Variants in STXBP5L observed in about 807,000 individuals in gnomAD.
STXBP5L encodes the protein syntaxin-binding protein 5-like.
Under a neutral mutation model 144.5 loss-of-function variants are expected in STXBP5L, and 65 were observed. That is an observed-to-expected ratio of 0.45 (90% CI 0.37 to 0.55). STXBP5L has a LOEUF of 0.55. Ranked by LOEUF, STXBP5L falls within the 20% of genes least tolerant of loss-of-function variation. The pLI is 0.00. For missense variants in STXBP5L, 1,298 were observed against 1,405.5 expected (o/e 0.92, Z 1.22); for synonymous variants, 505 against 469.6 (o/e 1.08, Z -0.97).
intron 5 of STXBP5L, among the ~76,000 whole-genome samples, chr3:121,093,303 G>A (rs1335554971): frequency 1.3e-5 from 2 of 152,200 alleles, no homozygotes; most frequent in African/African-American, 4.8e-5. Flanking sequence ...AGTTAGGGAG[G>A]ATTCCCTCTT....
chr3:121,331,813 A>C (rs2044328825), intron 20 of STXBP5L, among the ~76,000 whole-genome samples: 1 of 152,156 alleles, frequency 6.6e-6, no homozygotes, highest in Non-Finnish European at 1.5e-5. Flanking sequence ...TGGGGAAAAA[A>C]ATAACTAAAT....
intron 5 of STXBP5L, among the ~76,000 whole-genome samples, chr3:121,068,128 G>A (rs2041635383): frequency 6.6e-6 from 1 of 152,174 alleles, no homozygotes; most frequent in South Asian, 2.1e-4. Flanking sequence ...TCCTGCCTCG[G>A]CCTCCCAAGT....
intron 3 of STXBP5L, among the ~76,000 whole-genome samples, chr3:120,981,023 A>G (rs1393838408): frequency 6.6e-6 from 1 of 152,142 alleles, no homozygotes; most frequent in East Asian, 1.9e-4. Flanking sequence ...AGAGACTGAA[A>G]ATAGGAACCC....
At chr3:121,390,395 T>C (rs1383008937) in intron 22 of STXBP5L, among the ~76,000 whole-genome samples, 3 of 152,174 alleles carry the variant, frequency 2.0e-5, no homozygotes, top group Admixed American at 6.5e-5. Flanking sequence ...ACATTTAAGG[T>C]TAATATTGTT....
chr3:121,203,081 T>C (rs1031331117), intron 9 of STXBP5L, among the ~76,000 whole-genome samples: 4 of 150,974 alleles, frequency 2.6e-5, no homozygotes, highest in Admixed American at 2.6e-4. Context: ...GTTTTTTTTT[T>C]CTGTGCTATT....
intron 5 of STXBP5L, among the ~76,000 whole-genome samples, chr3:121,086,805 G>A (rs970031218): frequency 2.0e-5 from 3 of 152,020 alleles, no homozygotes; most frequent in African/African-American, 7.2e-5. Flanking sequence ...CCTGTACCAT[G>A]TAATCTATCT....
At chr3:121,059,956 C>T (rs1052563195) in intron 5 of STXBP5L, among the ~76,000 whole-genome samples, 1 of 151,924 alleles carries the variant, frequency 6.6e-6, no homozygotes, top group Non-Finnish European at 1.5e-5. Flanking sequence ...ATTTGAATAC[C>T]CTATATTTCT....
intron 20 of STXBP5L, chr3:121,324,350 T>G: frequency 1.8e-6 from 1 of 540,962 alleles, no homozygotes; most frequent in Non-Finnish European, 3.2e-6. Context: ...TGGAGCAGTA[T>G]TTATCTTTAT....
chr3:121,209,032 T>C (rs541938726), intron 10 of STXBP5L, among the ~76,000 whole-genome samples: 1 of 152,218 alleles, frequency 6.6e-6, no homozygotes, highest in African/African-American at 2.4e-5. Flanking sequence ...GGTTTTCTGT[T>C]CCGGTGTTAG....
chr3:121,419,291 C>A lies in STXBP5L; in HGVS notation c.*194C>A. On this transcript the variant is annotated 3_prime_UTR_variant, in exon 27 of 27. Transcript: ENST00000471454. ...AAGGCTGGAGCCCTGGTTAAAATCCCAAAATACGGCTGAATTTGCCTTTTC... is the reference window on the plus strand; with the variant it reads ...AAGGCTGGAGCCCTGGTTAAAATCCAAAAATACGGCTGAATTTGCCTTTTC... 1 of 499,352 alleles carries A rather than the reference C, an allele frequency of 2.0e-6. No individual in the cohort carries two copies. Among genetic ancestry groups the A allele is most frequent in the Non-Finnish European group, 3.4e-6 (1 of 293,902 alleles). 30.9% of individuals were successfully genotyped at this position (499,352 alleles called of 1,614,324 possible).
chr3:121,363,845 A>G (rs2045787497), intron 20 of STXBP5L, among the ~76,000 whole-genome samples: 1 of 152,014 alleles, frequency 6.6e-6, no homozygotes, highest in Non-Finnish European at 1.5e-5. Flanking sequence ...CCATCTTGCT[A>G]TGCCTCCTAT....
chr3:121,379,921 A>T (rs1222188054), intron 21 of STXBP5L, among the ~76,000 whole-genome samples: 1 of 152,144 alleles, frequency 6.6e-6, no homozygotes, highest in African/African-American at 2.4e-5. Flanking sequence ...TGCAGCCTCT[A>T]ACTCCTGAAC....
At chr3:121,279,043 C>A (rs894987017) in intron 18 of STXBP5L, among the ~76,000 whole-genome samples, 7 of 151,658 alleles carry the variant, frequency 4.6e-5, no homozygotes, top group Non-Finnish European at 1.0e-4. Flanking sequence ...AAACAACATT[C>A]ATATAACTAA....
At position 121,233,630 on chromosome 3, in the gene STXBP5L, T is replaced by A; in HGVS notation, c.1126T>A (p.Tyr376Asn). Residue 376 changes from tyrosine (Y) to asparagine (N), a missense_variant, in exon 12 of 27, where the codon TAT (tyrosine) becomes AAT (asparagine). Tyr to Asn is a moderately radical substitution (Grantham distance 143, BLOSUM62 -2). Transcript: ENST00000471454. ...TTTACTTGTAGAATTTCAAGAACCC[T>A]ATGCTGTCGTGGTACTTCTGGAGAA... is the stretch of plus-strand genomic sequence containing the variant. The part of the protein sequence containing the change: ...TPYPNEFQEP[Y>N]AVVVLLEKDL... 1 of 1,612,116 alleles carries A rather than the reference T, an allele frequency of 6.2e-7. No homozygotes were observed. Among genetic ancestry groups the A allele is most frequent in the Middle Eastern group, 1.7e-4 (1 of 6,042 alleles).
intron 20 of STXBP5L, among the ~76,000 whole-genome samples, chr3:121,360,308 T>G (rs1296120930): frequency 6.6e-5 from 10 of 151,806 alleles, no homozygotes; most frequent in Admixed American, 6.6e-4. Flanking sequence ...GTGAAGTGTT[T>G]TCTTGTAGGC....
chr3:121,267,391 A>G (rs779224482), intron 18 of STXBP5L, among the ~76,000 whole-genome samples: 1 of 152,190 alleles, frequency 6.6e-6, no homozygotes, highest in Non-Finnish European at 1.5e-5. Context: ...CTTTCCTTAG[A>G]CCTTATACAA....
In STXBP5L at chr3:121,105,163, C is replaced by T. The variant is rs765109517; in HGVS notation, c.471-9762C>T. ...CTATAATCACAGCACTTTAGGAAGCCGAGGTGGGTGTATCACGAGGTCAAG... is the reference window on the plus strand; with the variant it reads ...CTATAATCACAGCACTTTAGGAAGCTGAGGTGGGTGTATCACGAGGTCAAG... On this transcript the variant is annotated intron_variant, in intron 5 of 26. Transcript: ENST00000471454. 5.9e-5 allele frequency among the ~76,000 whole-genome samples: 9 copies of T among 152,108 alleles called. No homozygotes were observed. In the South Asian group the frequency reaches 1.2e-3, roughly 21 times the overall value.
chr3:121,116,042 A>G (rs2044218174), intron 6 of STXBP5L, among the ~76,000 whole-genome samples: 1 of 152,164 alleles, frequency 6.6e-6, no homozygotes, highest in South Asian at 2.1e-4. Context: ...AGGGATTACA[A>G]TTCAACATGA....
intron 20 of STXBP5L, among the ~76,000 whole-genome samples, chr3:121,354,672 G>A (rs1327435213): frequency 6.6e-6 from 1 of 151,780 alleles, no homozygotes; most frequent in African/African-American, 2.4e-5. Context: ...GTCTTAATTG[G>A]CACATTTAGC....
Sources: allele counts gnomAD v4.1 joint callset (sites outside exome capture counted in the v4.1 genomes callset), GRCh38; gene constraint gnomAD v4.1.1; transcripts MANE v1.5; gene names NCBI Gene and HGNC (gene_info 2026-07-23, HGNC 2026-07-21).